The following APOBEC3C variants were observed in gnomAD, a reference collection of about 807,000 sequenced individuals.
The protein encoded by APOBEC3C is apolipoprotein B mRNA editing enzyme catalytic subunit 3C.
A neutral mutation model predicts 20.6 loss-of-function variants in APOBEC3C; 14 were observed. That is an observed-to-expected ratio of 0.68 (90% CI 0.45 to 1.06). The LOEUF (loss-of-function observed/expected upper bound fraction) is 1.06. APOBEC3C is among the 50% of genes least tolerant of loss of function. The pLI, the probability that APOBEC3C is intolerant of heterozygous loss-of-function variation, is 0.00. For synonymous variants in APOBEC3C, 98 were observed against 88.8 expected, an observed-to-expected ratio of 1.10 and a Z score of -0.58; for missense variants, 244 against 241.9, an observed-to-expected ratio of 1.01 and a Z score of -0.06.
chr22:39,018,122 G>A lies in APOBEC3C; in HGVS notation c.454+77G>A. On this transcript the variant is annotated intron_variant, in intron 3 of 3. Transcript: ENST00000361441. ...GCAGATGGTTCTCCAATGCTGTGGG[G>A]CGGGTCAGTGTCCCCTGGGTGTCTG... 4 of 1,584,130 alleles carry A rather than the reference G, an allele frequency of 2.5e-6. No individual in the cohort carries two copies. In the South Asian group the frequency reaches 4.7e-5, roughly 19 times the overall value.
intron 2 of APOBEC3C, among the ~76,000 whole-genome samples, chr22:39,016,501 G>A (rs907988429): frequency 2.0e-5 from 3 of 150,796 alleles, no homozygotes; most frequent in Non-Finnish European, 4.4e-5. Flanking sequence ...ACAGGCATGA[G>A]CCACTGTGCC....
intron 1 of APOBEC3C, among the ~76,000 whole-genome samples, chr22:39,014,660 G>C (rs1216944482): frequency 2.0e-5 from 3 of 152,206 alleles, no homozygotes; most frequent in African/African-American, 7.2e-5. Context: ...CCCGCCCTGG[G>C]AGGGTGCTTC....
rs200674754 is a variant in APOBEC3C at position 39,018,085 on chromosome 22, A to T, written c.454+40A>T. On this transcript the variant is annotated intron_variant, in intron 3 of 3. Coordinates refer to ENST00000361441, the MANE Select transcript of APOBEC3C (RefSeq NM_014508.3). ...GCTGAGGAGAGTGGGTGCAGGAGGG[A>T]CAGCATGAGGGGCAGATGGTTCTCC... The T allele has an allele frequency of 7.9e-5, 127 of 1,606,166 alleles. 1 individual carries two copies. In the East Asian group the frequency reaches 2.4e-3, roughly 30 times the overall value.
In APOBEC3C at chr22:39,019,328, C is replaced by A. The variant is rs1924928876; in HGVS notation, c.*941C>A. The A allele has an allele frequency of 6.6e-6, 1 of 152,234 alleles. No homozygotes were observed. The highest frequency in any genetic ancestry group is 2.1e-4 in the South Asian group (1 of 4,832). The allele number at this position is 152,234 out of a possible 1,614,324, so 9.4% of individuals were successfully genotyped here. On this transcript the variant is annotated 3_prime_UTR_variant, in exon 4 of 4. Coordinates refer to ENST00000361441, the MANE Select transcript of APOBEC3C (RefSeq NM_014508.3). ...GCAATAGAACCTCCCAGCTCCCAGCCCTTCCTAGTGCCCATGGGCTTTACA... is the reference window on the plus strand; with the variant it reads ...GCAATAGAACCTCCCAGCTCCCAGCACTTCCTAGTGCCCATGGGCTTTACA...
chr22:39,016,381 C>CTT lies in APOBEC3C; in HGVS notation c.174+646_174+647dup, dbSNP rs575173801. On this transcript the variant is annotated intron_variant, in intron 2 of 3. Coordinates refer to ENST00000361441, the MANE Select transcript of APOBEC3C (RefSeq NM_014508.3). ...TGCCCAGCTAATTTTTTCTTTTTTT[C>CTT]TTTTTTTTTTTTTTTTTAGTAGAGA... is the stretch of plus-strand genomic sequence containing the variant. Among the ~76,000 whole-genome samples the CTT allele has an allele frequency of 1.1e-3, 133 of 122,876 alleles. 5 individuals carry two copies. The highest frequency in any genetic ancestry group is 4.1e-3 in the Middle Eastern group (1 of 242). 80.6% of individuals were successfully genotyped at this position (122,876 alleles called of 152,430 possible).
intron 2 of APOBEC3C, among the ~76,000 whole-genome samples, chr22:39,016,190 A>ATTTATATATTTATTTAT (rs145889122): frequency 7.1e-6 from 1 of 141,414 alleles, no homozygotes; most frequent in Non-Finnish European, 1.5e-5. Flanking sequence ...TCCTCCCCAC[A>ATTTATATATTTATTTAT]TTATTTATTT....
rs1012936716 is a variant in APOBEC3C, at chr22:39,018,458, C to T, written c.*71C>T. On this transcript the variant is annotated 3_prime_UTR_variant, in exon 4 of 4. Transcript: ENST00000361441. ...CATGCTGCACGGGCCTCCCCTCCAC[C>T]CTGGACCCGCTCTGTTTCTGCCTGG... 12 of 1,538,558 alleles carry T rather than the reference C, an allele frequency of 7.8e-6. No individual in the cohort carries two copies. Among genetic ancestry groups the T allele is most frequent in the East Asian group, 2.3e-5 (1 of 44,190 alleles).
intron 1 of APOBEC3C, among the ~76,000 whole-genome samples, 153 bp downstream of exon 1, chr22:39,014,532 C>T (rs909147311): frequency 2.6e-5 from 4 of 151,824 alleles, no homozygotes; most frequent in East Asian, 1.9e-4. Context: ...AGCCAAGCTC[C>T]TTGCCCTGCT....
intron 3 of APOBEC3C, 88 bp from the exon 4 acceptor site, chr22:39,018,181 G>C: frequency 6.4e-7 from 1 of 1,570,822 alleles, no homozygotes; most frequent in Non-Finnish European, 8.6e-7. Context: ...GCAACTGGCA[G>C]CCTGGATACC....
rs1396909954 is a variant in APOBEC3C at position 39,019,270 on chromosome 22, T to C, written c.*883T>C. ...AGCTTCTGCGATAAATGGCTGTAAG[T>C]CTTGGACTCCTTGCTCCAAACGCAG... is the stretch of plus-strand genomic sequence containing the variant. On this transcript the variant is annotated 3_prime_UTR_variant, in exon 4 of 4. Coordinates refer to ENST00000361441, the MANE Select transcript of APOBEC3C (RefSeq NM_014508.3). The C allele has an allele frequency of 1.3e-5, 2 of 152,200 alleles. No individual in the cohort carries two copies. The highest frequency in any genetic ancestry group is 4.8e-5 in the African/African-American group (2 of 41,442). 9.4% of individuals were successfully genotyped at this position (152,200 alleles called of 1,614,324 possible). A position where few individuals can be genotyped will look rare whatever the true frequency, so the allele number is the denominator to read the frequency against.
chr22:39,018,692 A>C lies in APOBEC3C; in HGVS notation c.*305A>C. The C allele has an allele frequency of 8.7e-6, 2 of 231,106 alleles. No homozygotes were observed. The highest frequency in any genetic ancestry group is 1.7e-5 in the Non-Finnish European group (2 of 117,244). 14.3% of individuals were successfully genotyped at this position (231,106 alleles called of 1,614,324 possible). On this transcript the variant is annotated 3_prime_UTR_variant, in exon 4 of 4. Coordinates refer to ENST00000361441, the MANE Select transcript of APOBEC3C (RefSeq NM_014508.3). ...AGCATAACCAAATCTTACTAAACTC[A>C]TCCTAGGCTGGGCATGGTGACTCAC...
chr22:39,016,468 T>C (rs980057430), intron 2 of APOBEC3C, among the ~76,000 whole-genome samples: 24 of 150,954 alleles, frequency 1.6e-4, no homozygotes, highest in Non-Finnish European at 2.9e-4. Flanking sequence ...CCGCCCGCCT[T>C]GGCCTCCCAA....
chr22:39,014,597 C>T (rs1269824789), intron 1 of APOBEC3C, among the ~76,000 whole-genome samples: 1 of 152,096 alleles, frequency 6.6e-6, no homozygotes, highest in East Asian at 1.9e-4. Context: ...CTTGCCCCAG[C>T]CCAGTCCGCC....
At chr22:39,017,481 T>C (rs755315784) in intron 2 of APOBEC3C, among the ~76,000 whole-genome samples, 2 of 151,692 alleles carry the variant, frequency 1.3e-5, no homozygotes, top group Non-Finnish European at 2.9e-5. Flanking sequence ...CTAAAAAAAT[T>C]ATTTAAAAAA....
intron 2 of APOBEC3C, among the ~76,000 whole-genome samples, chr22:39,017,247 T>G (rs1924816341): frequency 6.6e-6 from 1 of 150,518 alleles, no homozygotes; most frequent in Non-Finnish European, 1.5e-5. Flanking sequence ...AAAATAAAAA[T>G]AAAAGAATAA....
In APOBEC3C at chr22:39,019,408, A is replaced by G. The variant is rs144741104; in HGVS notation, c.*1021A>G. 62 of 152,320 alleles carry G rather than the reference A, an allele frequency of 4.1e-4. No individual in the cohort carries two copies. The highest frequency in any genetic ancestry group is 1.3e-3 in the African/African-American group (52 of 41,568). 9.4% of individuals were successfully genotyped at this position (152,320 alleles called of 1,614,324 possible). A position where few individuals can be genotyped will look rare whatever the true frequency, so the allele number is the denominator to read the frequency against. ...ATTGCCATCTCTTTGCTCTCTCAAC[A>G]TGGTGAACACCATCCGGACTCCGTG... On this transcript the variant is annotated 3_prime_UTR_variant, in exon 4 of 4. Transcript: ENST00000361441.
rs1408051066 is a variant in APOBEC3C, at chr22:39,019,374, C to G, written c.*987C>G. On this transcript the variant is annotated 3_prime_UTR_variant, in exon 4 of 4. Coordinates refer to ENST00000361441, the MANE Select transcript of APOBEC3C (RefSeq NM_014508.3). ...TTACATAGGGCAAGAGAACATTTCT[C>G]CTTCTATAATTGCCATCTCTTTGCT... The G allele has an allele frequency of 6.6e-6, 1 of 152,226 alleles. No homozygotes were observed. Among genetic ancestry groups the G allele is most frequent in the Non-Finnish European group, 1.5e-5 (1 of 68,046 alleles). 9.4% of individuals were successfully genotyped at this position (152,226 alleles called of 1,614,324 possible).
rs1228038644 is a variant in APOBEC3C, at chr22:39,015,160, G to A, written c.18-435G>A. Among the ~76,000 whole-genome samples, 4 of 152,042 alleles carry A rather than the reference G, an allele frequency of 2.6e-5. No individual in the cohort carries two copies. The South Asian group carries it at 6.2e-4, about 24-fold the overall frequency. On this transcript the variant is annotated intron_variant, in intron 1 of 3. Coordinates refer to ENST00000361441, the MANE Select transcript of APOBEC3C (RefSeq NM_014508.3). ...TGAAAATACAGAAAATTAGCCAGGG[G>A]TGCTGGCGGGCGTCTGTAATCCCAG...
chr22:39,016,349 A>ACCACCATG (rs1290694220), intron 2 of APOBEC3C, among the ~76,000 whole-genome samples: 1 of 145,522 alleles, frequency 6.9e-6, no homozygotes, highest in African/African-American at 2.6e-5. Flanking sequence ...ACAGGCGCCC[A>ACCACCATG]CCACCATGCC....
Sources: gnomAD v4.1 joint callset for allele counts (sites outside exome capture counted in the v4.1 genomes callset) on GRCh38, gnomAD v4.1.1 for gene constraint, MANE v1.5 for transcripts, NCBI Gene and HGNC (gene_info 2026-07-23, HGNC 2026-07-21) for gene names.